The following NCKAP5 variants were observed in gnomAD, a reference collection of about 807,000 sequenced individuals.
NCKAP5 encodes the protein nck-associated protein 5.
NCKAP5 carries 92 observed loss-of-function variants against 167.0 expected under a neutral mutation model. The observed-to-expected ratio is 0.55, with a 90% CI of 0.47 to 0.66. The LOEUF (loss-of-function observed/expected upper bound fraction) is 0.66, where lower values mean the gene tolerates loss of function less well. NCKAP5 is among the 30% of genes least tolerant of loss of function. The probability of loss-of-function intolerance (pLI) is 0.00; values close to 1 mark genes in which losing one functional copy is unlikely to be tolerated. For missense variants in NCKAP5, 2,378 were observed against 2,315.0 expected, an observed-to-expected ratio of 1.03 and a Z score of -0.56; for synonymous variants, 891 against 877.4, an observed-to-expected ratio of 1.02 and a Z score of -0.27.
chr2:133,382,085 G>C (rs1038084156), intron 3 of NCKAP5, among the ~76,000 whole-genome samples: 1 of 152,214 alleles, frequency 6.6e-6, no homozygotes, highest in Non-Finnish European at 1.5e-5. Flanking sequence ...CTCCTCGTCT[G>C]ATAGTTGTCT....
intron 4 of NCKAP5, among the ~76,000 whole-genome samples, chr2:133,262,912 C>A (rs1341416882): frequency 6.6e-6 from 1 of 152,120 alleles, no homozygotes; most frequent in Non-Finnish European, 1.5e-5. Context: ...AAGACTGACA[C>A]CCCTGAGCCC....
intron 3 of NCKAP5, among the ~76,000 whole-genome samples, chr2:133,308,753 C>T (rs1376749113): frequency 8.4e-6 from 1 of 119,118 alleles, no homozygotes; most frequent in Non-Finnish European, 1.6e-5. Flanking sequence ...CCAGGCCGGA[C>T]TGCGGACTGC....
intron 19 of NCKAP5, among the ~76,000 whole-genome samples, chr2:132,681,364 AC>A (rs1433995712): frequency 6.7e-6 from 1 of 149,624 alleles, no homozygotes; most frequent in Admixed American, 6.7e-5. Context: ...TTTTTTAACT[AC>A]CCTTTGCATC....
intron 19 of NCKAP5, among the ~76,000 whole-genome samples, chr2:132,718,611 T>C (rs960571055): frequency 1.1e-4 from 16 of 152,226 alleles, no homozygotes; most frequent in Admixed American, 7.9e-4. Flanking sequence ...AATGGATTCA[T>C]CATTTTTCTC....
chr2:133,637,476 C>CAAAAAAAAAAAAAAAAAAAAAAA, the NCKAP5 span, among the ~76,000 whole-genome samples: 3 of 31,666 alleles, frequency 9.5e-5, no homozygotes, highest in African/African-American at 4.7e-4. Context: ...TGGTATTTTC[C>CAAAAAAAAAAAAAAAAAAAAAAA]AAAAAAAAAA....
At chr2:133,458,277 C>T (rs909305693) in intron 3 of NCKAP5, among the ~76,000 whole-genome samples, 6 of 152,134 alleles carry the variant, frequency 3.9e-5, no homozygotes, top group Admixed American at 3.3e-4. Context: ...TCATGAAGAG[C>T]ATGGGAAAAT....
the NCKAP5 span, among the ~76,000 whole-genome samples, chr2:133,586,435 T>C: frequency 2.0e-5 from 3 of 152,192 alleles, no homozygotes; most frequent in Non-Finnish European, 2.9e-5. Flanking sequence ...TGATTTACCA[T>C]AGCCTCAGCT....
chr2:133,277,526 G>C (rs962239648), intron 4 of NCKAP5, among the ~76,000 whole-genome samples: 11 of 152,090 alleles, frequency 7.2e-5, no homozygotes, highest in African/African-American at 2.4e-4. Context: ...TGAAGTAATA[G>C]AGACATTGGC....
intron 6 of NCKAP5, among the ~76,000 whole-genome samples, chr2:133,084,990 A>G (rs1213162572): frequency 5.3e-5 from 8 of 152,180 alleles, no homozygotes; most frequent in Admixed American, 5.2e-4. Flanking sequence ...TGTAGGCCAC[A>G]TAGGTAGGTC....
intron 6 of NCKAP5, among the ~76,000 whole-genome samples, chr2:133,033,116 G>A (rs2078933320): frequency 6.6e-6 from 1 of 152,244 alleles, no homozygotes; most frequent in Non-Finnish European, 1.5e-5. Context: ...CCACTGAGGT[G>A]TGCTGGTATC....
intron 3 of NCKAP5, among the ~76,000 whole-genome samples, chr2:133,422,373 G>GT (rs1480738224): frequency 6.6e-6 from 1 of 151,974 alleles, no homozygotes; most frequent in Non-Finnish European, 1.5e-5. Flanking sequence ...TTGTTTTTTT[G>GT]TTTTTTGGTA....
chr2:132,906,676 C>A (rs2148933173), intron 8 of NCKAP5, among the ~76,000 whole-genome samples: 1 of 152,276 alleles, frequency 6.6e-6, no homozygotes, highest in East Asian at 1.9e-4. Flanking sequence ...TCTTGACAAC[C>A]AGAGCAGATG....
In NCKAP5 at chr2:132,783,000, C is replaced by T. The variant is rs531375141; in HGVS notation, c.3811G>A (p.Ala1271Thr). The T allele has an allele frequency of 3.4e-5, 55 of 1,613,722 alleles. No individual in the cohort carries two copies. The highest frequency in any genetic ancestry group is 1.5e-4 in the South Asian group (14 of 91,042). ...HLKPALGMNG[A>T]KARSHSFSTH... ...CTGAAGCTGTGGCTGCGGGCTTTGGCGCCATTCATACCCAGAGCTGGTTTT... is the reference window on the plus strand; with the variant it reads ...CTGAAGCTGTGGCTGCGGGCTTTGGTGCCATTCATACCCAGAGCTGGTTTT... The change falls in exon 14 of 20, where the codon GCC (alanine) becomes ACC (threonine). Residue 1271 changes from alanine to threonine, a missense_variant. Transcript: ENST00000409261.
intron 4 of NCKAP5, among the ~76,000 whole-genome samples, chr2:133,256,227 TG>T (rs751447907): frequency 1.8e-4 from 27 of 152,176 alleles, no homozygotes; most frequent in Non-Finnish European, 3.7e-4. Context: ...TATTCTCACT[TG>T]TTTGACATAT....
chr2:132,784,087 C>G lies in NCKAP5; in HGVS notation c.2724G>C (p.Glu908Asp). The change falls in exon 14 of 20, where the codon GAG (glutamate) becomes GAC (aspartate). Residue 908 changes from glutamate to aspartate, a missense_variant. By Grantham distance (45) the Glu-to-Asp change is conservative. Coordinates refer to ENST00000409261, the MANE Select transcript of NCKAP5 (RefSeq NM_207363.3). ...RPAIESSDSG[E>D]PPTRDEHCGS... is the part of the protein sequence containing the mutation. ...CACAGTGTTCATCCCTCGTGGGGGG[C>G]TCTCCACTGTCACTAGACTCAATGG... 1.3e-6 allele frequency: 2 copies of G among 1,521,052 alleles called. No homozygotes were observed. Among genetic ancestry groups the G allele is most frequent in the South Asian group, 2.7e-5 (2 of 75,228 alleles). 94.2% of individuals were successfully genotyped at this position (1,521,052 alleles called of 1,614,324 possible). A position where few individuals can be genotyped will look rare whatever the true frequency, so the allele number is the denominator to read the frequency against.
At position 132,672,640 on chromosome 2, in the gene NCKAP5, TATC is replaced by T. The variant is rs1240470940; in HGVS notation, c.*646_*648del. On this transcript the variant is annotated 3_prime_UTR_variant, in exon 20 of 20. Transcript: ENST00000409261. The stretch of plus-strand genomic sequence containing the variant: ...AGTTGGGATTTTAAAAAATATATAT[TATC>T]ATCAACTTCTAAGACTTAGTACATT... The T allele has an allele frequency of 6.6e-6, 1 of 152,620 alleles. No homozygotes were observed. The highest frequency in any genetic ancestry group is 1.5e-5 in the Non-Finnish European group (1 of 68,050). 9.5% of individuals were successfully genotyped at this position (152,620 alleles called of 1,614,324 possible). A position where few individuals can be genotyped will look rare whatever the true frequency, so the allele number is the denominator to read the frequency against.
chr2:132,873,966 C>A (rs528128443), intron 9 of NCKAP5, among the ~76,000 whole-genome samples: 1 of 152,166 alleles, frequency 6.6e-6, no homozygotes, highest in Non-Finnish European at 1.5e-5. Flanking sequence ...AATGAGGAAA[C>A]AAATACAGGG....
chr2:133,638,857 C>CAAAAAAAAA, the NCKAP5 span, among the ~76,000 whole-genome samples: 8 of 84,058 alleles, frequency 9.5e-5, no homozygotes, highest in African/African-American at 2.3e-4. Flanking sequence ...GACTCTATCT[C>CAAAAAAAAA]AAAAAAAAAA....
chr2:133,008,179 G>C (rs1480072426), intron 6 of NCKAP5, among the ~76,000 whole-genome samples: 2 of 151,938 alleles, frequency 1.3e-5, no homozygotes, highest in Admixed American at 1.3e-4. Flanking sequence ...TTTTCCCATT[G>C]GGTGTTACTT....
Sources: gnomAD v4.1 joint callset for allele counts (sites outside exome capture counted in the v4.1 genomes callset) on GRCh38, gnomAD v4.1.1 for gene constraint, MANE v1.5 for transcripts, NCBI Gene and HGNC (gene_info 2026-07-23, HGNC 2026-07-21) for gene names.